The following EYS variants were observed in gnomAD, a reference collection of about 807,000 sequenced individuals.
EYS encodes EGF-like photoreceptor maintenance factor.
EYS carries 250 observed loss-of-function variants against 282.1 expected under a neutral mutation model. That is an observed-to-expected ratio of 0.89 (90% CI 0.80 to 0.98). The LOEUF (loss-of-function observed/expected upper bound fraction) is 0.98. Among genes scored for constraint, EYS ranks in the 50% least tolerant of loss-of-function variants. EYS has a pLI of 0.00. For missense variants in EYS, 4,016 were observed against 3,709.0 expected (o/e 1.08, Z -2.15); for synonymous variants, 1,355 against 1,282.9 (o/e 1.06, Z -1.20).
intron 16 of EYS, among the ~76,000 whole-genome samples, chr6:64,907,684 G>C (rs1767873493): frequency 6.6e-6 from 1 of 152,120 alleles, no homozygotes; most frequent in Non-Finnish European, 1.5e-5. Context: ...ACATCTGGCA[G>C]AAAGAGAAGG....
intron 12 of EYS, among the ~76,000 whole-genome samples, chr6:65,149,430 C>T (rs1331944205): frequency 1.3e-5 from 2 of 152,172 alleles, no homozygotes; most frequent in Non-Finnish European, 2.9e-5. Flanking sequence ...GACTGGACTT[C>T]ATTGTCCAAA....
intron 12 of EYS, among the ~76,000 whole-genome samples, chr6:65,129,429 G>C (rs749362828): frequency 7.9e-5 from 12 of 151,302 alleles, no homozygotes; most frequent in Non-Finnish European, 1.6e-4. Context: ...ATTTAATGAA[G>C]GTCCAGAATC....
chr6:64,155,648 T>C (rs564399284), intron 31 of EYS, among the ~76,000 whole-genome samples: 16 of 152,318 alleles, frequency 1.1e-4, no homozygotes, highest in Non-Finnish European at 2.2e-4. Flanking sequence ...AGTTGCCTCA[T>C]TGCTATGCAG....
intron 31 of EYS, among the ~76,000 whole-genome samples, chr6:64,114,957 C>A (rs1287844620): frequency 6.6e-6 from 1 of 152,158 alleles, no homozygotes; most frequent in Non-Finnish European, 1.5e-5. Flanking sequence ...ATGCCCCTGA[C>A]CCTGGAGCTG....
At chr6:64,194,820 A>G (rs1765231842) in intron 31 of EYS, among the ~76,000 whole-genome samples, 1 of 152,140 alleles carries the variant, frequency 6.6e-6, no homozygotes, top group African/African-American at 2.4e-5. Flanking sequence ...AAATACTGAG[A>G]AAGGTAAGCT....
At chr6:64,172,452 G>A (rs145821732) in intron 31 of EYS, among the ~76,000 whole-genome samples, 181 of 152,178 alleles carry the variant, frequency 1.2e-3, no homozygotes, top group Non-Finnish European at 1.9e-3. Flanking sequence ...GTTACCACGC[G>A]TGAGCGAAAT....
intron 2 of EYS, among the ~76,000 whole-genome samples, chr6:65,508,470 G>A (rs1374724201): frequency 6.6e-6 from 1 of 151,726 alleles, no homozygotes; most frequent in Non-Finnish European, 1.5e-5. Flanking sequence ...TCAGGAGATC[G>A]AGACCATCCT....
chr6:64,501,278 T>C (rs1404014049), intron 26 of EYS, among the ~76,000 whole-genome samples: 1 of 152,084 alleles, frequency 6.6e-6, no homozygotes, highest in Non-Finnish European at 1.5e-5. Context: ...ATTTACCTTG[T>C]GGTATTTTGA....
intron 31 of EYS, among the ~76,000 whole-genome samples, chr6:64,142,629 A>G (rs1386645056): frequency 2.0e-5 from 3 of 152,166 alleles, no homozygotes; most frequent in African/African-American, 7.2e-5. Context: ...TAAGGAAAGG[A>G]GTCATGATCA....
chr6:64,272,981 G>GT (rs1432648117), intron 30 of EYS, among the ~76,000 whole-genome samples: 1 of 152,034 alleles, frequency 6.6e-6, no homozygotes, highest in East Asian at 1.9e-4. Context: ...TTCCCTTAAT[G>GT]TTTTTGTATT....
Position 64,751,148 on chromosome 6 carries a change from A to G in EYS, c.3443+62230T>C, listed in dbSNP as rs1377757745. ...TTGAGTTGCCCCTCCCTTCCCATGC[A>G]AAGACCTTGTTGCAGCAGTAGTTTC... On this transcript the variant is annotated intron_variant, in intron 22 of 42. Coordinates refer to ENST00000503581, the MANE Select transcript of EYS (RefSeq NM_001142800.2). Among the ~76,000 whole-genome samples, 2 of 152,066 alleles carry G rather than the reference A, an allele frequency of 1.3e-5. 1 individual carries two copies. The highest frequency in any genetic ancestry group is 2.9e-5 in the Non-Finnish European group (2 of 67,996).
intron 12 of EYS, among the ~76,000 whole-genome samples, chr6:65,260,923 T>G (rs889134785): frequency 8.5e-5 from 13 of 152,234 alleles, no homozygotes; most frequent in Admixed American, 4.6e-4. Context: ...ACTCTATTAA[T>G]CCATTTTCCA....
chr6:64,392,870 T>C (rs1189115824), intron 28 of EYS, among the ~76,000 whole-genome samples: 2 of 151,816 alleles, frequency 1.3e-5, no homozygotes, highest in African/African-American at 4.8e-5. Flanking sequence ...ACAAAATTGA[T>C]AGACCGCTAG....
intron 13 of EYS, among the ~76,000 whole-genome samples, chr6:65,029,791 A>G (rs1772538926): frequency 6.6e-6 from 1 of 152,192 alleles, no homozygotes; most frequent in African/African-American, 2.4e-5. Flanking sequence ...GAAGAAAGGA[A>G]TTCAGAGCGG....
chr6:64,813,640 T>C, intron 21 of EYS, 63 bp from the exon 22 acceptor site: 1 of 973,518 alleles, frequency 1.0e-6, no homozygotes, highest in Non-Finnish European at 1.4e-6. Context: ...TTTAATATAA[T>C]TATATTTTTA....
At chr6:64,439,448 T>C (rs1774862168) in intron 26 of EYS, 96 bp from the exon 27 acceptor site, 6 of 748,442 alleles carry the variant, frequency 8.0e-6, no homozygotes, top group Non-Finnish European at 1.2e-5. Context: ...CTCTAATGAC[T>C]CATACGTCTC....
At position 65,322,299 on chromosome 6, in the gene EYS, G is replaced by C. The variant is rs567664970; in HGVS notation, c.1766+12681C>G. On this transcript the variant is annotated intron_variant, in intron 11 of 42. Transcript: ENST00000503581. ...GTAGGACTCTGGGGTTTTAAGCCGA[G>C]GCATGAAATGTACCGATTAATAGCG... 2.0e-5 allele frequency among the ~76,000 whole-genome samples: 3 copies of C among 152,270 alleles called. No individual in the cohort carries two copies. In the South Asian group the frequency reaches 6.2e-4, roughly 32 times the overall value.
chr6:64,776,190 T>C (rs968135781), intron 22 of EYS, among the ~76,000 whole-genome samples: 2 of 152,128 alleles, frequency 1.3e-5, no homozygotes, highest in African/African-American at 4.8e-5. Flanking sequence ...ACTCGGTTGT[T>C]TTAAGCAAAT....
At chr6:64,392,344 A>G (rs978618331) in intron 28 of EYS, among the ~76,000 whole-genome samples, 1 of 150,028 alleles carries the variant, frequency 6.7e-6, no homozygotes, top group East Asian at 1.9e-4. Context: ...GCATCACACC[A>G]CACCTATTCC....
Sources: allele counts gnomAD v4.1 joint callset (sites outside exome capture counted in the v4.1 genomes callset), GRCh38; gene constraint gnomAD v4.1.1; transcripts MANE v1.5; gene names NCBI Gene and HGNC (gene_info 2026-07-23, HGNC 2026-07-21).